The following ZCCHC7 variants were observed in gnomAD, a reference collection of about 807,000 sequenced individuals.
The protein encoded by ZCCHC7 is zinc finger CCHC domain-containing protein 7.
In ZCCHC7, 35 loss-of-function variants were observed where a neutral mutation model predicts 52.0. The ratio of observed to expected loss-of-function variants is 0.67; its 90% CI spans 0.51 to 0.89. The LOEUF is 0.89. Ranked by LOEUF, ZCCHC7 falls within the 40% of genes least tolerant of loss-of-function variation. The pLI, the probability that ZCCHC7 is intolerant of heterozygous loss-of-function variation, is 0.00. For synonymous variants in ZCCHC7, 217 were observed against 221.5 expected (o/e 0.98, Z 0.18); for missense variants, 574 against 649.1 (o/e 0.88, Z 1.26).
chr9:37,320,997 T>C (rs1418538790), intron 5 of ZCCHC7, among the ~76,000 whole-genome samples: 1 of 147,400 alleles, frequency 6.8e-6, no homozygotes, highest in East Asian at 1.9e-4. Flanking sequence ...CTTTTTTTTT[T>C]TTTTTTTTTG....
intron 2 of ZCCHC7, among the ~76,000 whole-genome samples, chr9:37,207,662 G>C (rs1271336521): frequency 4.0e-5 from 6 of 150,970 alleles, no homozygotes; most frequent in Admixed American, 1.3e-4. Flanking sequence ...TCGATTTTCT[G>C]TTTGTCGGAT....
chr9:37,123,224 T>TGTGTGTGTGC (rs1180731163), intron 1 of ZCCHC7, among the ~76,000 whole-genome samples: 5 of 124,838 alleles, frequency 4.0e-5, no homozygotes, highest in African/African-American at 1.3e-4. Flanking sequence ...TGTGTGTGTG[T>TGTGTGTGTGC]GCGTGTGCGT....
intron 2 of ZCCHC7, among the ~76,000 whole-genome samples, chr9:37,236,813 T>C (rs1286060461): frequency 2.6e-5 from 4 of 152,188 alleles, no homozygotes; most frequent in Admixed American, 2.0e-4. Flanking sequence ...AAAGCTAAGT[T>C]GAAAAATCAT....
chr9:37,278,980 G>A (rs1224874500), intron 2 of ZCCHC7, among the ~76,000 whole-genome samples: 2 of 152,136 alleles, frequency 1.3e-5, no homozygotes, highest in Admixed American at 6.5e-5. Flanking sequence ...GAAGCCAGGA[G>A]TTTTGAGACC....
chr9:37,254,837 C>CT lies in ZCCHC7; in HGVS notation c.611-47335dup, dbSNP rs59489076. ...TGCCATGTTAATGCTCAAAAAGTTT[C>CT]TTTTTTTTTTTTTTTTGGATTTTTG... On this transcript the variant is annotated intron_variant, in intron 2 of 8. Coordinates refer to ENST00000336755, the MANE Select transcript of ZCCHC7 (RefSeq NM_032226.3). Among the ~76,000 whole-genome samples, 934 of 93,488 alleles carry CT rather than the reference C, an allele frequency of 1.0e-2. 35 individuals are homozygous for CT. Among genetic ancestry groups the CT allele is most frequent in the African/African-American group, 0.034 (855 of 24,878 alleles). The allele number at this position is 93,488 out of a possible 152,430, so 61.3% of individuals were successfully genotyped here.
At chr9:37,282,019 T>C (rs1564224179) in intron 2 of ZCCHC7, among the ~76,000 whole-genome samples, 1 of 152,232 alleles carries the variant, frequency 6.6e-6, no homozygotes, top group African/African-American at 2.4e-5. Context: ...TTTTTAATTC[T>C]CTTCTATCTT....
At chr9:37,321,863 T>C (rs767897542) in intron 5 of ZCCHC7, among the ~76,000 whole-genome samples, 1 of 152,210 alleles carries the variant, frequency 6.6e-6, no homozygotes, top group Non-Finnish European at 1.5e-5. Flanking sequence ...TTCCTGCTAG[T>C]ATACTTAAAG....
In ZCCHC7 at chr9:37,349,434, A is replaced by G. The variant is rs141080698; in HGVS notation, c.1065A>G (p.Gln355=). 1,004 of 1,614,108 alleles carry G rather than the reference A, an allele frequency of 6.2e-4. No individual in the cohort carries two copies. The highest frequency in any genetic ancestry group is 5.6e-4 in the Non-Finnish European group (660 of 1,179,970). The change falls in exon 7 of 9, where the codon CAA becomes CAG. Residue 355 remains glutamine, a synonymous_variant. Transcript: ENST00000336755. The part of the protein sequence containing the change: ...SALAYCYHCA[Q]KGHYGHECPE... ...TAGCATATTGCTATCACTGCGCGCA[A>G]AAAGGCCATTATGGACACGTAAGTT...
At chr9:37,228,810 A>G (rs1313169247) in intron 2 of ZCCHC7, among the ~76,000 whole-genome samples, 3 of 150,870 alleles carry the variant, frequency 2.0e-5, no homozygotes, top group Middle Eastern at 3.2e-3. Flanking sequence ...CGATAGTTCA[A>G]TTATAATATG....
chr9:37,250,327 G>C (rs1370047654), intron 2 of ZCCHC7, among the ~76,000 whole-genome samples: 2 of 142,478 alleles, frequency 1.4e-5, no homozygotes, highest in African/African-American at 5.2e-5. Flanking sequence ...TTGAGATGGA[G>C]TTTTTGCTCT....
intron 6 of ZCCHC7, among the ~76,000 whole-genome samples, chr9:37,331,486 C>G (rs1830446851): frequency 1.3e-5 from 2 of 151,402 alleles, no homozygotes; most frequent in African/African-American, 4.8e-5. Flanking sequence ...AGTGGGTACC[C>G]CTAAATGTCA....
intron 6 of ZCCHC7, among the ~76,000 whole-genome samples, chr9:37,337,670 A>T (rs764827563): frequency 5.9e-5 from 9 of 152,188 alleles, no homozygotes; most frequent in Non-Finnish European, 1.0e-4. Context: ...ACCAGGAAAT[A>T]TAAAAAGGAA....
At chr9:37,248,335 A>G (rs1217024081) in intron 2 of ZCCHC7, among the ~76,000 whole-genome samples, 1 of 152,204 alleles carries the variant, frequency 6.6e-6, no homozygotes, top group African/African-American at 2.4e-5. Flanking sequence ...TAGATGTGCA[A>G]TCTGTTTAAG....
chr9:37,213,532 T>A (rs564178967), intron 2 of ZCCHC7, among the ~76,000 whole-genome samples: 177 of 152,264 alleles, frequency 1.2e-3, no homozygotes, highest in Non-Finnish European at 2.1e-3. Flanking sequence ...AGGTGTCAAA[T>A]TCAGAATATG....
chr9:37,268,156 A>C (rs1266324156), intron 2 of ZCCHC7, among the ~76,000 whole-genome samples: 1 of 152,142 alleles, frequency 6.6e-6, no homozygotes, highest in African/African-American at 2.4e-5. Flanking sequence ...TTTGTTCCCC[A>C]CAGTGCTTAA....
chr9:37,313,644 G>T (rs1400837534), intron 5 of ZCCHC7, among the ~76,000 whole-genome samples: 1 of 152,166 alleles, frequency 6.6e-6, no homozygotes. Context: ...GGATCATGGG[G>T]GCAGATTTCC....
At chr9:37,162,815 G>A (rs1821179537) in intron 2 of ZCCHC7, among the ~76,000 whole-genome samples, 1 of 152,218 alleles carries the variant, frequency 6.6e-6, no homozygotes. Context: ...GCTCATGCCT[G>A]TCATCTCAAC....
At chr9:37,352,511 C>CT (rs869266535) in intron 7 of ZCCHC7, among the ~76,000 whole-genome samples, 5,558 of 81,542 alleles carry the variant, frequency 0.068, 418 homozygotes, top group Middle Eastern at 0.17. Context: ...ACAATTTGCT[C>CT]TTTTTTTTTT....
rs1842561940 is a variant in ZCCHC7, at chr9:37,126,930, T to G, written c.598T>G (p.Ser200Ala). ...TCTCAACCTTGTGGGATGTGAAAACTCTGTTACTGAAGGTTAGTATCATAT... is the reference window on the plus strand; with the variant it reads ...TCTCAACCTTGTGGGATGTGAAAACGCTGTTACTGAAGGTTAGTATCATAT... ...ILLNLVGCEN[S>A]VTEGEDGINW... The change falls in exon 2 of 9, where the codon TCT becomes GCT. Residue 200 changes from serine to alanine, a missense_variant. By Grantham distance (99) the Ser-to-Ala change is moderately conservative. This residue lies in a region of ZCCHC7 where 403 missense variants were observed against 461.2 expected (regional missense o/e 0.87). Coordinates refer to ENST00000336755, the MANE Select transcript of ZCCHC7 (RefSeq NM_032226.3). 1 of 1,613,364 alleles carries G rather than the reference T, an allele frequency of 6.2e-7. No individual in the cohort carries two copies. The highest frequency in any genetic ancestry group is 8.5e-7 in the Non-Finnish European group (1 of 1,179,884).
Sources: gnomAD v4.1 joint callset for allele counts (sites outside exome capture counted in the v4.1 genomes callset) on GRCh38, gnomAD v4.1.1 for gene constraint, gnomAD v4.1.1 regional missense constraint, MANE v1.5 for transcripts, NCBI Gene and HGNC (gene_info 2026-07-23, HGNC 2026-07-21) for gene names.